The following FCHSD2 variants were observed in gnomAD, a reference collection of about 807,000 sequenced individuals.
The protein encoded by FCHSD2 is F-BAR and double SH3 domains protein 2.
FCHSD2 carries 38 observed loss-of-function variants against 108.1 expected under a neutral mutation model. The observed-to-expected ratio is 0.35, with a 90% CI of 0.27 to 0.46. FCHSD2 has a LOEUF of 0.46. FCHSD2 is among the 20% of genes least tolerant of loss of function. FCHSD2 has a pLI of 1.00. For missense variants in FCHSD2, 751 were observed against 897.8 expected (o/e 0.84, Z 2.09); for synonymous variants, 279 against 314.7 (o/e 0.89, Z 1.20).
intron 2 of FCHSD2, among the ~76,000 whole-genome samples, chr11:73,089,459 T>C (rs1859901474): frequency 6.6e-6 from 1 of 152,174 alleles, no homozygotes; most frequent in African/African-American, 2.4e-5. Flanking sequence ...TTAAAACACA[T>C]GTCCACACAA....
At chr11:72,865,231 C>T (rs1854695504) in intron 13 of FCHSD2, among the ~76,000 whole-genome samples, 1 of 152,214 alleles carries the variant, frequency 6.6e-6, no homozygotes, top group Non-Finnish European at 1.5e-5. Flanking sequence ...TCATGTTCCT[C>T]AGCCAGCTAG....
At chr11:72,930,534 CA>C (rs1856167850) in intron 8 of FCHSD2, among the ~76,000 whole-genome samples, 1 of 152,204 alleles carries the variant, frequency 6.6e-6, no homozygotes, top group Admixed American at 6.5e-5. Flanking sequence ...CACCTGAGGA[CA>C]AGAGTTTGTG....
chr11:72,976,017 A>C (rs905760007), intron 8 of FCHSD2, among the ~76,000 whole-genome samples: 5 of 152,238 alleles, frequency 3.3e-5, no homozygotes, highest in African/African-American at 1.2e-4. Context: ...TGCTATGAAA[A>C]AGGAACATGT....
At chr11:72,875,939 C>T (rs942385804) in intron 12 of FCHSD2, among the ~76,000 whole-genome samples, 5 of 152,174 alleles carry the variant, frequency 3.3e-5, no homozygotes, top group African/African-American at 1.2e-4. Flanking sequence ...GGGAAAAGAC[C>T]CAGCCATCAC....
At chr11:73,001,186 G>C in intron 4 of FCHSD2, 52 bp from the exon 5 acceptor site, 1 of 1,570,318 alleles carries the variant, frequency 6.4e-7, no homozygotes, top group Non-Finnish European at 8.7e-7. Flanking sequence ...GGAAGAAAAA[G>C]TTGGCTAACC....
intron 5 of FCHSD2, among the ~76,000 whole-genome samples, chr11:72,994,495 T>C (rs1857484406): frequency 6.6e-6 from 1 of 152,112 alleles, no homozygotes; most frequent in South Asian, 2.1e-4. Context: ...ACGGCAAGGA[T>C]GTGATGATAC....
chr11:73,130,899 T>C (rs957082215), intron 2 of FCHSD2, among the ~76,000 whole-genome samples: 2 of 152,230 alleles, frequency 1.3e-5, no homozygotes, highest in Non-Finnish European at 2.9e-5. Context: ...GTTATTTAAG[T>C]GTAGCCCTAC....
chr11:72,966,536 ATAG>A (rs1228870327), intron 8 of FCHSD2, among the ~76,000 whole-genome samples: 3 of 152,210 alleles, frequency 2.0e-5, no homozygotes, highest in African/African-American at 7.2e-5. Context: ...ACTTGCCTGC[ATAG>A]CTTCACTGCA....
At chr11:72,859,795 A>G (rs1235154215) in intron 13 of FCHSD2, among the ~76,000 whole-genome samples, 9 of 152,208 alleles carry the variant, frequency 5.9e-5, no homozygotes, top group Admixed American at 6.5e-5. Flanking sequence ...AGGATTAGGA[A>G]AAATAATCCT....
chr11:72,912,602 T>C (rs1855786489), intron 9 of FCHSD2, among the ~76,000 whole-genome samples: 2 of 152,232 alleles, frequency 1.3e-5, no homozygotes, highest in Admixed American at 1.3e-4. Context: ...GATGTGTCTT[T>C]GTCTGATTTT....
chr11:73,077,009 C>T (rs1423453451), intron 3 of FCHSD2, among the ~76,000 whole-genome samples: 3 of 147,560 alleles, frequency 2.0e-5, no homozygotes, highest in Admixed American at 1.4e-4. Context: ...ACTCAGGAGG[C>T]TGAGGCAGGA....
At position 72,984,959 on chromosome 11, in the gene FCHSD2, T is replaced by G; in HGVS notation, c.576+103A>C. Reference sequence around the variant, plus strand: ...CCTGAGTCAGTGACTTTAAAATGCTTCTCTAAGGTAGAAATAATCCACCTC... The same window carrying G: ...CCTGAGTCAGTGACTTTAAAATGCTGCTCTAAGGTAGAAATAATCCACCTC... On this transcript the variant is annotated intron_variant, in intron 7 of 19. Coordinates refer to ENST00000409418, the MANE Select transcript of FCHSD2 (RefSeq NM_014824.3). 8.8e-6 allele frequency: 5 copies of G among 567,418 alleles called. No individual in the cohort carries two copies. The Admixed American group carries it at 1.2e-4, about 14-fold the overall frequency. 35.1% of individuals were successfully genotyped at this position (567,418 alleles called of 1,614,324 possible).
At chr11:73,138,653 G>C (rs1450549075) in intron 2 of FCHSD2, among the ~76,000 whole-genome samples, 1 of 147,430 alleles carries the variant, frequency 6.8e-6, no homozygotes, top group African/African-American at 2.5e-5. Flanking sequence ...CTGTTGCCCA[G>C]GCTGGAGAGC....
chr11:72,901,318 GCCC>G (rs36113290), intron 10 of FCHSD2, among the ~76,000 whole-genome samples: 150,839 of 152,196 alleles, frequency 0.99, 74,746 homozygotes, highest in East Asian at 1. Flanking sequence ...GATCACTTGA[GCCC>G]AGGAGAGGGG....
chr11:72,916,968 C>CTTTTTTTTTTTTTTT (rs71062793), intron 9 of FCHSD2, among the ~76,000 whole-genome samples: 3 of 118,800 alleles, frequency 2.5e-5, no homozygotes, highest in African/African-American at 6.5e-5. Context: ...GAACTTCATT[C>CTTTTTTTTTTTTTTT]TTTTTTTTTT....
intron 6 of FCHSD2, among the ~76,000 whole-genome samples, chr11:72,986,421 G>A (rs1183244453): frequency 1.3e-5 from 2 of 152,166 alleles, no homozygotes; most frequent in Non-Finnish European, 2.9e-5. Flanking sequence ...ATGTTAGCCA[G>A]GATGGTCTCA....
intron 4 of FCHSD2, among the ~76,000 whole-genome samples, chr11:73,008,908 T>C (rs1857799973): frequency 1.3e-5 from 2 of 151,994 alleles, no homozygotes; most frequent in East Asian, 3.9e-4. Context: ...AATAAAAATA[T>C]ATTATTATTA....
chr11:72,988,855 C>CGTG (rs1857358440), intron 6 of FCHSD2, 109 bp downstream of exon 6: 1 of 834,360 alleles, frequency 1.2e-6, no homozygotes, highest in African/African-American at 1.7e-5. Flanking sequence ...CAAATGAAAC[C>CGTG]ACCACTACCT....
chr11:72,859,824 G>A (rs113180330), intron 13 of FCHSD2, among the ~76,000 whole-genome samples: 1 of 152,186 alleles, frequency 6.6e-6, no homozygotes, highest in Non-Finnish European at 1.5e-5. Flanking sequence ...ACACAGGTCT[G>A]AGAATAACTC....
Sources: allele counts gnomAD v4.1 joint callset (sites outside exome capture counted in the v4.1 genomes callset), GRCh38; gene constraint gnomAD v4.1.1; transcripts MANE v1.5; gene names NCBI Gene and HGNC (gene_info 2026-07-23, HGNC 2026-07-21).